The following DRAM1 variants were observed in gnomAD, a reference collection of about 807,000 sequenced individuals.
The protein encoded by DRAM1 is DNA damage regulated autophagy modulator 1.
In DRAM1, 25 loss-of-function variants were observed where a neutral mutation model predicts 28.5. That is an observed-to-expected ratio of 0.88 (90% CI 0.64 to 1.23). DRAM1 has a LOEUF of 1.23. Ranked by LOEUF, DRAM1 falls within the 50% of genes most tolerant of loss-of-function variation. The probability of loss-of-function intolerance (pLI) is 0.00; values close to 1 mark genes in which losing one functional copy is unlikely to be tolerated. For synonymous variants in DRAM1, 113 were observed against 114.2 expected (o/e 0.99, Z 0.07); for missense variants, 249 against 299.2 (o/e 0.83, Z 1.24).
At chr12:101,886,140 G>C (rs1193095535) in intron 1 of DRAM1, among the ~76,000 whole-genome samples, 2 of 152,154 alleles carry the variant, frequency 1.3e-5, no homozygotes, top group Non-Finnish European at 2.9e-5. Flanking sequence ...TGAAATCCTT[G>C]TGTTTCAGAA....
intron 1 of DRAM1, 106 bp from the exon 2 acceptor site, chr12:101,897,757 T>C: frequency 1.3e-6 from 1 of 773,994 alleles, no homozygotes; most frequent in Non-Finnish European, 2.2e-6. Context: ...TCAAAGTGGC[T>C]GAACACCTAA....
rs367836120 is a variant in DRAM1 at position 101,890,065 on chromosome 12, CTT to C, written c.132-7793_132-7792del. The C allele has an allele frequency of 6.6e-4, 296 of 447,170 alleles. 4 individuals are homozygous for C. The East Asian group carries it at 0.017, about 25-fold the overall frequency. 27.7% of individuals were successfully genotyped at this position (447,170 alleles called of 1,614,324 possible). Reference sequence around the variant, plus strand: ...TGTTCATTTCTAATTTTTTCTTTTTCTTTTTTCTTTTTTGATTTTTATTTATT... The same window carrying C: ...TGTTCATTTCTAATTTTTTCTTTTTCTTTTCTTTTTTGATTTTTATTTATT... On this transcript the variant is annotated intron_variant, in intron 1 of 6. Coordinates refer to ENST00000258534, the MANE Select transcript of DRAM1 (RefSeq NM_018370.3).
intron 4 of DRAM1, among the ~76,000 whole-genome samples, chr12:101,909,928 T>C (rs1160380747): frequency 6.6e-6 from 1 of 152,216 alleles, no homozygotes; most frequent in Non-Finnish European, 1.5e-5. Context: ...TGTCAGATTG[T>C]AGGAAAATCG....
intron 5 of DRAM1, among the ~76,000 whole-genome samples, chr12:101,915,047 T>C (rs2121160975): frequency 6.6e-6 from 1 of 151,954 alleles, no homozygotes; most frequent in South Asian, 2.1e-4. Context: ...TGGCACAATC[T>C]TGACTCAGTG....
chr12:101,912,274 C>T (rs968136372), intron 4 of DRAM1, among the ~76,000 whole-genome samples: 1 of 152,208 alleles, frequency 6.6e-6, no homozygotes, highest in African/African-American at 2.4e-5. Flanking sequence ...GATGGTGCTG[C>T]TCTAGAGAGC....
At chr12:101,908,962 G>A (rs117469192) in intron 4 of DRAM1, among the ~76,000 whole-genome samples, 11 of 150,810 alleles carry the variant, frequency 7.3e-5, no homozygotes, top group East Asian at 3.9e-4. Context: ...AAAACAATTC[G>A]GATAAAAGTG....
At chr12:101,914,749 C>T (rs1874169462) in intron 5 of DRAM1, among the ~76,000 whole-genome samples, 1 of 152,044 alleles carries the variant, frequency 6.6e-6, no homozygotes. Flanking sequence ...CCTTTGCCTC[C>T]TGGGTTCAAG....
At chr12:101,900,282 C>T (rs900704327) in intron 2 of DRAM1, among the ~76,000 whole-genome samples, 4 of 152,034 alleles carry the variant, frequency 2.6e-5, no homozygotes, top group African/African-American at 9.7e-5. Flanking sequence ...AATTAAATTA[C>T]AGGAGAATAT....
At chr12:101,885,693 A>AT (rs999057136) in intron 1 of DRAM1, among the ~76,000 whole-genome samples, 4 of 151,460 alleles carry the variant, frequency 2.6e-5, no homozygotes, top group South Asian at 2.1e-4. Context: ...TGCCCACCTA[A>AT]TTTTTTTTAT....
chr12:101,877,602 G>T lies in DRAM1; in HGVS notation c.-188G>T. 1 of 322,068 alleles carries T rather than the reference G, an allele frequency of 3.1e-6. No individual in the cohort carries two copies. The highest frequency in any genetic ancestry group is 1.5e-4 in the South Asian group (1 of 6,760). The allele number at this position is 322,068 out of a possible 1,614,324, so 20.0% of individuals were successfully genotyped here. On this transcript the variant is annotated 5_prime_UTR_variant, in exon 1 of 7. Coordinates refer to ENST00000258534, the MANE Select transcript of DRAM1 (RefSeq NM_018370.3). This position sits in a 1 kb window ranked among gnomAD's most constrained non-coding sequence, Gnocchi z 4.1. ...CCCACTCTGGCCCGGCAGCCTCGCC[G>T]CCCGCAGCCTCGCTCCGCTCCTCGC...
At chr12:101,909,349 G>T (rs945163046) in intron 4 of DRAM1, among the ~76,000 whole-genome samples, 1 of 152,128 alleles carries the variant, frequency 6.6e-6, no homozygotes, top group African/African-American at 2.4e-5. Flanking sequence ...TGGTATGAAA[G>T]AAGGGTGGAA....
chr12:101,913,886 G>A (rs1874137220), intron 4 of DRAM1, among the ~76,000 whole-genome samples: 1 of 152,070 alleles, frequency 6.6e-6, no homozygotes, highest in African/African-American at 2.4e-5. Flanking sequence ...GCAAAATGTA[G>A]TGACAAGTTT....
At chr12:101,908,493 CA>C in intron 4 of DRAM1, 130 bp downstream of exon 4, 2 of 928,614 alleles carry the variant, frequency 2.2e-6, no homozygotes, top group South Asian at 3.4e-5. Flanking sequence ...AGATTGGGCT[CA>C]ACTCTGAATA....
intron 1 of DRAM1, among the ~76,000 whole-genome samples, chr12:101,897,333 G>A (rs1433441193): frequency 6.6e-6 from 1 of 151,726 alleles, no homozygotes; most frequent in East Asian, 1.9e-4. Context: ...CCAAGTAGTT[G>A]GGACTACAGG....
At chr12:101,906,644 A>G (rs1873819996) in intron 3 of DRAM1, among the ~76,000 whole-genome samples, 1 of 152,016 alleles carries the variant, frequency 6.6e-6, no homozygotes. Flanking sequence ...ACCTGAGGTC[A>G]TAAGTTCGAG....
intron 1 of DRAM1, among the ~76,000 whole-genome samples, chr12:101,882,254 G>A (rs531099691): frequency 5.5e-4 from 83 of 150,108 alleles, no homozygotes; most frequent in African/African-American, 1.7e-3. Context: ...GACTACAGGC[G>A]CCCGCCACCC....
chr12:101,883,553 A>G (rs1050449293), intron 1 of DRAM1, among the ~76,000 whole-genome samples: 18 of 151,104 alleles, frequency 1.2e-4, no homozygotes, highest in Admixed American at 3.3e-4. Flanking sequence ...TGACTTCATG[A>G]TCCGCCCACC....
chr12:101,910,003 G>C (rs1873980141), intron 4 of DRAM1, among the ~76,000 whole-genome samples: 1 of 152,164 alleles, frequency 6.6e-6, no homozygotes. Context: ...TGGGCAAGAT[G>C]GAGTGAAAAC....
At chr12:101,905,281 A>G (rs1470425589) in intron 3 of DRAM1, among the ~76,000 whole-genome samples, 1 of 151,916 alleles carries the variant, frequency 6.6e-6, no homozygotes, top group Non-Finnish European at 1.5e-5. Flanking sequence ...TTGTATTTGT[A>G]TTTTTACCTT....
Sources: gnomAD v4.1 joint callset for allele counts (sites outside exome capture counted in the v4.1 genomes callset) on GRCh38, gnomAD v4.1.1 for gene constraint, Gnocchi (gnomAD v3.1) non-coding constraint, MANE v1.5 for transcripts, NCBI Gene and HGNC (gene_info 2026-07-23, HGNC 2026-07-21) for gene names.